DAG1: variants seen among roughly 807,000 people sequenced by gnomAD.
The protein encoded by DAG1 is dystroglycan 1, also known as dystroglycan 1 (dystrophin-associated glycoprotein 1).
DAG1 carries 8 observed loss-of-function variants against 46.1 expected under a neutral mutation model. The observed-to-expected ratio is 0.17, with a 90% CI of 0.10 to 0.31. The LOEUF (loss-of-function observed/expected upper bound fraction) is 0.31, where lower values mean the gene tolerates loss of function less well. Ranked by LOEUF, DAG1 falls within the 10% of genes least tolerant of loss-of-function variation. The pLI, the probability that DAG1 is intolerant of heterozygous loss-of-function variation, is 1.00. For missense variants in DAG1, 1,003 were observed against 1,189.9 expected, an observed-to-expected ratio of 0.84 and a Z score of 2.31; for synonymous variants, 495 against 481.8, an observed-to-expected ratio of 1.03 and a Z score of -0.36.
chr3:49,514,677 C>T (rs866851802), intron 2 of DAG1, among the ~76,000 whole-genome samples: 9 of 151,160 alleles, frequency 6.0e-5, no homozygotes, highest in Non-Finnish European at 2.9e-5. Flanking sequence ...TCGCTCTTGT[C>T]GCCCAGGATG....
At position 49,532,825 on chromosome 3, in the gene DAG1, A is replaced by T; in HGVS notation, c.2314A>T (p.Met772Leu). Residue 772 changes from methionine to leucine, a missense_variant, in exon 3 of 3, where the codon ATG becomes TTG. Met to Leu is a conservative substitution (Grantham distance 15). Transcript: ENST00000308775. This position sits in a 1 kb window ranked among gnomAD's most constrained non-coding sequence, Gnocchi z 5.4. Reference protein sequence around the residue: ...AILLIAGIIAMICYRKKRKGK... With the variant: ...AILLIAGIIALICYRKKRKGK... ...CCTGCTCATTGCTGGCATCATTGCCATGATCTGCTACCGCAAGAAGCGGAA... is the reference window on the plus strand; with the variant it reads ...CCTGCTCATTGCTGGCATCATTGCCTTGATCTGCTACCGCAAGAAGCGGAA... 1 of 1,614,090 alleles carries T rather than the reference A, an allele frequency of 6.2e-7. No homozygotes were observed. Among genetic ancestry groups the T allele is most frequent in the Non-Finnish European group, 8.5e-7 (1 of 1,180,022 alleles).
chr3:49,487,597 G>T (rs1249777391), intron 1 of DAG1, among the ~76,000 whole-genome samples: 1 of 151,844 alleles, frequency 6.6e-6, no homozygotes, highest in Non-Finnish European at 1.5e-5. Context: ...CCCAGGAGGT[G>T]CCTTGGTTCA....
At position 49,532,859 on chromosome 3, in the gene DAG1, T is replaced by A. The variant is rs2051401458; in HGVS notation, c.2348T>A (p.Leu783His). The change falls in exon 3 of 3, where the codon CTT (leucine) becomes CAT (histidine). Residue 783 changes from leucine to histidine, a missense_variant. Leu to His is a moderately conservative substitution (Grantham distance 99). Around this residue, in one of 3 missense-constraint regions of DAG1, gnomAD observed 755 missense variants for 854.1 expected, o/e 0.88. Transcript: ENST00000308775. This position sits in a 1 kb window ranked among gnomAD's most constrained non-coding sequence, Gnocchi z 5.4. ...ICYRKKRKGK[L>H]TLEDQATFIK... ...TACCGCAAGAAGCGGAAGGGCAAGC[T>A]TACCCTTGAGGACCAGGCCACCTTC... The A allele has an allele frequency of 6.2e-7, 1 of 1,613,974 alleles. No individual in the cohort carries two copies. Among genetic ancestry groups the A allele is most frequent in the African/African-American group, 1.3e-5 (1 of 74,918 alleles).
At chr3:49,471,864 A>G (rs1265124096) in intron 1 of DAG1, among the ~76,000 whole-genome samples, 3 of 152,180 alleles carry the variant, frequency 2.0e-5, no homozygotes, top group Non-Finnish European at 4.4e-5. Context: ...GGACCAGGGA[A>G]CCCATGATTA....
chr3:49,533,493 G>T lies in DAG1; in HGVS notation c.*294G>T, dbSNP rs140844035. On this transcript the variant is annotated 3_prime_UTR_variant, in exon 3 of 3. Transcript: ENST00000308775. ...TGGCTGGCTCTGAAAGCACCATGTG[G>T]AGTGGAGGTGGAGGGAGCGAGGAAC... is the stretch of plus-strand genomic sequence containing the variant. 1.9e-3 allele frequency: 1,119 copies of T among 601,578 alleles called. 14 individuals carry two copies. Among genetic ancestry groups the T allele is most frequent in the African/African-American group, 0.018 (964 of 55,016 alleles). The allele number at this position is 601,578 out of a possible 1,614,324, so 37.3% of individuals were successfully genotyped here.
chr3:49,511,514 AGTTATGAACATC>A (rs1002834750), intron 2 of DAG1, among the ~76,000 whole-genome samples: 3 of 152,200 alleles, frequency 2.0e-5, no homozygotes, highest in African/African-American at 7.2e-5. Flanking sequence ...GTACCCCTCA[AGTTATGAACATC>A]TTCTAGAGCA....
intron 2 of DAG1, among the ~76,000 whole-genome samples, chr3:49,529,083 T>C (rs2051271778): frequency 6.6e-6 from 1 of 152,130 alleles, no homozygotes; most frequent in Admixed American, 6.5e-5. Flanking sequence ...ACTCCTGACC[T>C]CAGGTGATCT....
chr3:49,502,917 A>G (rs531020371), intron 1 of DAG1, among the ~76,000 whole-genome samples: 31 of 152,282 alleles, frequency 2.0e-4, no homozygotes, highest in South Asian at 1.5e-3. Context: ...GATTACAGGC[A>G]TGAGTCACCG....
chr3:49,482,613 A>G (rs569235699), intron 1 of DAG1, among the ~76,000 whole-genome samples: 5 of 152,202 alleles, frequency 3.3e-5, no homozygotes, highest in Admixed American at 6.6e-5. Flanking sequence ...ACCTTCCCTT[A>G]AACTTAATTA....
chr3:49,495,780 C>T (rs1438106363), intron 1 of DAG1, among the ~76,000 whole-genome samples: 2 of 152,012 alleles, frequency 1.3e-5, no homozygotes, highest in African/African-American at 4.8e-5. Flanking sequence ...ATTAGCTGGG[C>T]GTGGTGGCAG....
At position 49,531,338 on chromosome 3, in the gene DAG1, G is replaced by C. The variant is rs1261553141; in HGVS notation, c.827G>C (p.Gly276Ala). 3.1e-6 allele frequency: 5 copies of C among 1,614,178 alleles called. No individual in the cohort carries two copies. Among genetic ancestry groups the C allele is most frequent in the Non-Finnish European group, 4.2e-6 (5 of 1,180,034 alleles). ...LNQNSVPDIH[G>A]VEAPAREGAM... is the part of the protein sequence containing the mutation. ...CAGAACAGTGTGCCTGACATTCATGGTGTAGAGGCCCCTGCCAGGGAGGGC... is the reference window on the plus strand; with the variant it reads ...CAGAACAGTGTGCCTGACATTCATGCTGTAGAGGCCCCTGCCAGGGAGGGC... Residue 276 changes from glycine to alanine, a missense_variant, in exon 3 of 3, where the codon GGT (glycine) becomes GCT (alanine). By Grantham distance (60) the Gly-to-Ala change is moderately conservative. Coordinates refer to ENST00000308775, the MANE Select transcript of DAG1 (RefSeq NM_004393.6). This position sits in a 1 kb window ranked among gnomAD's most constrained non-coding sequence, Gnocchi z 7.0.
At chr3:49,508,989 G>A (rs746328320) in intron 1 of DAG1, among the ~76,000 whole-genome samples, 1 of 152,150 alleles carries the variant, frequency 6.6e-6, no homozygotes, top group Non-Finnish European at 1.5e-5. Flanking sequence ...CAATTCATAA[G>A]ATTGAGGATG....
At chr3:49,499,948 A>G (rs529620653) in intron 1 of DAG1, among the ~76,000 whole-genome samples, 10 of 151,262 alleles carry the variant, frequency 6.6e-5, no homozygotes, top group Non-Finnish European at 1.0e-4. Context: ...TTTAGGTATT[A>G]TTGATAACTT....
At chr3:49,516,129 G>C (rs1183956507) in intron 2 of DAG1, among the ~76,000 whole-genome samples, 1 of 152,178 alleles carries the variant, frequency 6.6e-6, no homozygotes, top group Non-Finnish European at 1.5e-5. Context: ...GACATCATCT[G>C]TTGGAGCCCT....
At chr3:49,502,180 G>C (rs926501091) in intron 1 of DAG1, among the ~76,000 whole-genome samples, 7 of 152,176 alleles carry the variant, frequency 4.6e-5, no homozygotes, top group Admixed American at 3.9e-4. Flanking sequence ...ACACAGAAAA[G>C]AGTTGAAGAA....
intron 2 of DAG1, among the ~76,000 whole-genome samples, chr3:49,514,690 G>A (rs2050850552): frequency 6.6e-6 from 1 of 151,666 alleles, no homozygotes; most frequent in African/African-American, 2.4e-5. Flanking sequence ...CCAGGATGGA[G>A]TACAATGGCG....
In DAG1 at chr3:49,510,406, CTTT is replaced by C. The variant is rs200455639; in HGVS notation, c.-116-6_-116-4del. ...ATTGCTCAAGTCTAAACCTGCTTTT[CTTT>C]TTTTTTCAGGCTCTGTGTGCTCCGG... On this transcript the variant is annotated splice_polypyrimidine_tract_variant and intron_variant, in intron 1 of 2. Coordinates refer to ENST00000308775, the MANE Select transcript of DAG1 (RefSeq NM_004393.6). The C allele has an allele frequency of 1.1e-6, 1 of 925,400 alleles. No homozygotes were observed. The highest frequency in any genetic ancestry group is 2.4e-5 in the East Asian group (1 of 41,484). The allele number at this position is 925,400 out of a possible 1,614,324, so 57.3% of individuals were successfully genotyped here. A position where few individuals can be genotyped will look rare whatever the true frequency, so the allele number is the denominator to read the frequency against.
intron 2 of DAG1, among the ~76,000 whole-genome samples, chr3:49,528,444 C>G (rs970628031): frequency 6.6e-6 from 1 of 151,604 alleles, no homozygotes; most frequent in Non-Finnish European, 1.5e-5. Flanking sequence ...ACCACCATGC[C>G]TGGCTAATTT....
In DAG1 at chr3:49,494,638, A is replaced by G. The variant is rs1044898045; in HGVS notation, c.-116-15781A>G. Among the ~76,000 whole-genome samples the G allele has an allele frequency of 2.1e-5, 3 of 144,620 alleles. No homozygotes were observed. In the East Asian group the frequency reaches 6.0e-4, roughly 29 times the overall value. The allele number at this position is 144,620 out of a possible 152,430, so 94.9% of individuals were successfully genotyped here. On this transcript the variant is annotated intron_variant, in intron 1 of 2. Coordinates refer to ENST00000308775, the MANE Select transcript of DAG1 (RefSeq NM_004393.6). ...TTATGCTTGGTGAATTATTATTATT[A>G]TTTTTTTTTTTTTGGAGACAGAGTC...
Sources: gnomAD v4.1 joint callset for allele counts (sites outside exome capture counted in the v4.1 genomes callset) on GRCh38, gnomAD v4.1.1 for gene constraint, gnomAD v4.1.1 regional missense constraint, Gnocchi (gnomAD v3.1) non-coding constraint, MANE v1.5 for transcripts, NCBI Gene and HGNC (gene_info 2026-07-23, HGNC 2026-07-21) for gene names.